The following UTP20 variants were observed in gnomAD, a reference collection of about 807,000 sequenced individuals.
UTP20 encodes the protein small subunit processome component 20 homolog.
UTP20 carries 164 observed loss-of-function variants against 329.5 expected under a neutral mutation model. The ratio of observed to expected loss-of-function variants is 0.50; its 90% CI spans 0.44 to 0.57. The LOEUF (loss-of-function observed/expected upper bound fraction) is 0.57, where lower values mean the gene tolerates loss of function less well. Among genes scored for constraint, UTP20 ranks in the 20% least tolerant of loss-of-function variants. The pLI, the probability that UTP20 is intolerant of heterozygous loss-of-function variation, is 0.00. For missense variants in UTP20, 3,055 were observed against 3,284.2 expected, an observed-to-expected ratio of 0.93 and a Z score of 1.71; for synonymous variants, 1,151 against 1,159.3, an observed-to-expected ratio of 0.99 and a Z score of 0.14.
intron 60 of UTP20, 71 bp from the exon 61 acceptor site, chr12:101,385,512 G>A (rs781490701): frequency 1.1e-4 from 174 of 1,513,110 alleles, no homozygotes; most frequent in Middle Eastern, 6.7e-4. Context: ...TGTACATATT[G>A]TTGATTTTGT....
At position 101,299,722 on chromosome 12, in the gene UTP20, A is replaced by C; in HGVS notation, c.1471A>C (p.Asn491His). The C allele has an allele frequency of 6.2e-7, 1 of 1,607,290 alleles. No individual in the cohort carries two copies. Among genetic ancestry groups the C allele is most frequent in the Non-Finnish European group, 8.5e-7 (1 of 1,178,160 alleles). Residue 491 changes from asparagine to histidine, a missense_variant, in exon 13 of 62, where the codon AAC (asparagine) becomes CAC (histidine). Asn to His is a moderately conservative substitution (Grantham distance 68). Around this residue, in one of 3 missense-constraint regions of UTP20, gnomAD observed 2,445 missense variants for 2,575.5 expected, o/e 0.95. Coordinates refer to ENST00000261637, the MANE Select transcript of UTP20 (RefSeq NM_014503.3). ...GAAGAAGACTAGATCCAAGGGAAGA[A>C]ACGAACAGTTTCCAGTATTGGACCA... The part of the protein sequence containing the change: ...KQKKTRSKGR[N>H]EQFPVLDHLL...
chr12:101,324,514 C>T (rs1868492988), intron 25 of UTP20, among the ~76,000 whole-genome samples: 1 of 152,124 alleles, frequency 6.6e-6, no homozygotes, highest in Admixed American at 6.5e-5. Context: ...AGGCTGTCCC[C>T]CCACCTTGGC....
chr12:101,334,159 G>T (rs1476340093), intron 28 of UTP20, among the ~76,000 whole-genome samples: 1 of 152,148 alleles, frequency 6.6e-6, no homozygotes, highest in Non-Finnish European at 1.5e-5. Flanking sequence ...GGTGTTTGAG[G>T]TCCCAGTCAT....
At chr12:101,364,513 G>T (rs1870031340) in intron 45 of UTP20, among the ~76,000 whole-genome samples, 1 of 152,086 alleles carries the variant, frequency 6.6e-6, no homozygotes, top group Non-Finnish European at 1.5e-5. Context: ...CAGGGTATAG[G>T]GTTTAGTTCC....
At chr12:101,307,194 A>AG (rs989393324) in intron 17 of UTP20, among the ~76,000 whole-genome samples, 2 of 149,980 alleles carry the variant, frequency 1.3e-5, no homozygotes, top group African/African-American at 4.9e-5. Flanking sequence ...AAAAAAAAAA[A>AG]TTGATTTTTT....
At chr12:101,365,407 T>G (rs1418773731) in intron 45 of UTP20, 52 bp from the exon 46 acceptor site, 1 of 1,389,270 alleles carries the variant, frequency 7.2e-7, no homozygotes, top group Non-Finnish European at 9.7e-7. Flanking sequence ...TTATGACAAA[T>G]CAAAATGCAT....
chr12:101,353,214 A>G, intron 40 of UTP20, 85 bp downstream of exon 40: 1 of 883,130 alleles, frequency 1.1e-6, no homozygotes, highest in Non-Finnish European at 1.7e-6. Context: ...GTGACATTCA[A>G]CTTATTCCCT....
At chr12:101,343,172 T>G in intron 35 of UTP20, 79 bp downstream of exon 35, 1 of 1,028,498 alleles carries the variant, frequency 9.7e-7, no homozygotes, top group East Asian at 2.9e-5. Context: ...GACCTGATCT[T>G]TAAATTTGTT....
At chr12:101,294,540 T>TC (rs921898261) in intron 11 of UTP20, among the ~76,000 whole-genome samples, 3 of 142,936 alleles carry the variant, frequency 2.1e-5, no homozygotes, top group African/African-American at 8.5e-5. Flanking sequence ...TTCTCGTTTT[T>TC]CTTTTTTTTT....
At chr12:101,309,942 TA>T (rs1472654522) in intron 19 of UTP20, 103 bp downstream of exon 19, 1 of 1,003,824 alleles carries the variant, frequency 1.0e-6, no homozygotes, top group Non-Finnish European at 1.5e-6. Flanking sequence ...TGAATGGGTG[TA>T]TATGGTATTT....
intron 12 of UTP20, among the ~76,000 whole-genome samples, chr12:101,295,869 A>G (rs1565786649): frequency 6.6e-6 from 1 of 152,242 alleles, no homozygotes; most frequent in African/African-American, 2.4e-5. Flanking sequence ...ATGAACATAG[A>G]AAAACATGTG....
rs58024998 is a variant in UTP20, at chr12:101,371,523, CTTTTTTTTTT to C, written c.6798+372_6798+381del. On this transcript the variant is annotated intron_variant, in intron 51 of 61. Coordinates refer to ENST00000261637, the MANE Select transcript of UTP20 (RefSeq NM_014503.3). ...CTTGTTAAAGATTTGGGGCTTTGTTCTTTTTTTTTTTTTTTTTTTTTTTTTTGAGACGGAG... is the reference window on the plus strand; with the variant it reads ...CTTGTTAAAGATTTGGGGCTTTGTTCTTTTTTTTTTTTTTTTGAGACGGAG... Among the ~76,000 whole-genome samples the C allele has an allele frequency of 2.3e-3, 153 of 65,358 alleles. 1 individual carries two copies. Among genetic ancestry groups the C allele is most frequent in the African/African-American group, 0.012 (150 of 12,596 alleles). The allele number at this position is 65,358 out of a possible 152,430, so 42.9% of individuals were successfully genotyped here.
In UTP20 at chr12:101,384,540, CAAAA is replaced by C. The variant is rs1011644426; in HGVS notation, c.8056+872_8056+875del. Reference sequence around the variant, plus strand: ...TGGGCAACAGAGTGAGATACTGTCTCAAAAGAAAGATTATATGGCAAAAATATAA... The same window carrying C: ...TGGGCAACAGAGTGAGATACTGTCTCGAAAGATTATATGGCAAAAATATAA... On this transcript the variant is annotated intron_variant, in intron 60 of 61. Transcript: ENST00000261637. Among the ~76,000 whole-genome samples the C allele has an allele frequency of 3.3e-5, 5 of 152,236 alleles. No individual in the cohort carries two copies. The East Asian group carries it at 5.8e-4, about 18-fold the overall frequency.
At chr12:101,383,990 T>C (rs1215491827) in intron 60 of UTP20, among the ~76,000 whole-genome samples, 1 of 151,510 alleles carries the variant, frequency 6.6e-6, no homozygotes, top group Non-Finnish European at 1.5e-5. Context: ...AGAAGTGAGC[T>C]ACTGTACCCA....
chr12:101,317,497 G>C lies in UTP20; in HGVS notation c.2572G>C (p.Asp858His). 3 of 1,614,102 alleles carry C rather than the reference G, an allele frequency of 1.9e-6. No individual in the cohort carries two copies. ...CGGTAGCAATGAGTATTACCCAGCAGATCTGCAAGTTGCTCCAACCCAGGA... is the reference window on the plus strand; with the variant it reads ...CGGTAGCAATGAGTATTACCCAGCACATCTGCAAGTTGCTCCAACCCAGGA... ...RFINNEYYPADLQVAPTQDLR... is the reference protein window; with the variant it reads ...RFINNEYYPAHLQVAPTQDLR... The change falls in exon 22 of 62, where the codon GAT becomes CAT. Residue 858 changes from aspartate (D) to histidine (H), a missense_variant. By Grantham distance (81) the Asp-to-His change is moderately conservative (BLOSUM62 -1). Around this residue, in one of 3 missense-constraint regions of UTP20, gnomAD observed 2,445 missense variants for 2,575.5 expected, o/e 0.95. Transcript: ENST00000261637.
chr12:101,314,575 G>T (rs555521190), intron 21 of UTP20, among the ~76,000 whole-genome samples: 1 of 150,930 alleles, frequency 6.6e-6, no homozygotes, highest in Non-Finnish European at 1.5e-5. Context: ...GGAGAATGGC[G>T]TGAACCCGGG....
chr12:101,333,383 A>T lies in UTP20; in HGVS notation c.3500A>T (p.Glu1167Val). ...KMVTDIFLDWESYQFRTEEID... is the reference protein window; with the variant it reads ...KMVTDIFLDWVSYQFRTEEID... ...GTAACTGATATCTTTTTGGACTGGGAATCATATCAGTTTAGAACAGAAGAA... is the reference window on the plus strand; with the variant it reads ...GTAACTGATATCTTTTTGGACTGGGTATCATATCAGTTTAGAACAGAAGAA... The change falls in exon 28 of 62, where the codon GAA becomes GTA. Residue 1167 changes from glutamate to valine, a missense_variant. By Grantham distance (121) the Glu-to-Val change is moderately radical. Coordinates refer to ENST00000261637, the MANE Select transcript of UTP20 (RefSeq NM_014503.3). 6.2e-7 allele frequency: 1 copy of T among 1,613,970 alleles called. No individual in the cohort carries two copies. The highest frequency in any genetic ancestry group is 8.5e-7 in the Non-Finnish European group (1 of 1,179,952).
At position 101,386,210 on chromosome 12, in the gene UTP20, G is replaced by T; in HGVS notation, c.*87G>T. ...GTAGGTTGTCTGGGGTAGGGGGGAG[G>T]CGTTTTTTTTTTTTTTTGAGACAAG... On this transcript the variant is annotated 3_prime_UTR_variant, in exon 62 of 62. Transcript: ENST00000261637. The T allele has an allele frequency of 7.5e-7, 1 of 1,326,998 alleles. No homozygotes were observed. Among genetic ancestry groups the T allele is most frequent in the Non-Finnish European group, 1.0e-6 (1 of 967,638 alleles). 82.2% of individuals were successfully genotyped at this position (1,326,998 alleles called of 1,614,324 possible).
At chr12:101,293,454 T>C (rs1227085679) in intron 11 of UTP20, among the ~76,000 whole-genome samples, 1 of 152,194 alleles carries the variant, frequency 6.6e-6, no homozygotes, top group African/African-American at 2.4e-5. Flanking sequence ...CAGAACCGTG[T>C]GGTAAAATTG....
Sources: gnomAD v4.1 joint callset for allele counts (sites outside exome capture counted in the v4.1 genomes callset) on GRCh38, gnomAD v4.1.1 for gene constraint, gnomAD v4.1.1 regional missense constraint, MANE v1.5 for transcripts, NCBI Gene and HGNC (gene_info 2026-07-23, HGNC 2026-07-21) for gene names.